ABL1: variants seen among roughly 807,000 people sequenced by gnomAD.
ABL1 encodes ABL proto-oncogene 1, non-receptor tyrosine kinase, also known as tyrosine-protein kinase ABL1.
A neutral mutation model predicts 94.7 loss-of-function variants in ABL1; 11 were observed. That is an observed-to-expected ratio of 0.12 (90% CI 0.07 to 0.19). The LOEUF is 0.19. Ranked by LOEUF, ABL1 falls within the 10% of genes least tolerant of loss-of-function variation. The pLI, the probability that ABL1 is intolerant of heterozygous loss-of-function variation, is 1.00. For missense variants in ABL1, 1,082 were observed against 1,489.4 expected (o/e 0.73, Z 4.50); for synonymous variants, 656 against 622.4 (o/e 1.05, Z -0.80).
chr9:130,870,386 G>A (rs188765084), intron 4 of ABL1, among the ~76,000 whole-genome samples: 41 of 152,280 alleles, frequency 2.7e-4, no homozygotes, highest in Non-Finnish European at 4.7e-4. Flanking sequence ...TGATTTCATT[G>A]TATGTGGTTT....
chr9:130,842,155 G>A (rs1168054612), intron 1 of ABL1, among the ~76,000 whole-genome samples: 1 of 152,148 alleles, frequency 6.6e-6, no homozygotes, highest in African/African-American at 2.4e-5. Flanking sequence ...CAAGAGAAGC[G>A]CAGGAGACAG....
Position 130,769,821 on chromosome 9 carries a change from T to C in ABL1, c.136+55366T>C, listed in dbSNP as rs185217644. 2.9e-3 allele frequency among the ~76,000 whole-genome samples: 437 copies of C among 152,280 alleles called. 4 individuals are homozygous for C. The highest frequency in any genetic ancestry group is 0.01 in the African/African-American group (424 of 41,546). On this transcript the variant is annotated intron_variant, in intron 1 of 10. Coordinates refer to the ABL1 transcript ENST00000372348. Reference sequence around the variant, plus strand: ...AGTTCTATCACCCCCTAGAATTCCCTTGTGCGGCCCTTTTGTAGTCATCCT... The same window carrying C: ...AGTTCTATCACCCCCTAGAATTCCCCTGTGCGGCCCTTTTGTAGTCATCCT...
At chr9:130,867,958 G>GC (rs1478987741) in intron 4 of ABL1, among the ~76,000 whole-genome samples, 64 of 140,990 alleles carry the variant, frequency 4.5e-4, no homozygotes, top group Non-Finnish European at 6.8e-4. Context: ...TTTGCTTTTT[G>GC]TTTTTGTTTT....
chr9:130,727,505 G>A (rs185221843), intron 1 of ABL1, among the ~76,000 whole-genome samples: 9 of 152,154 alleles, frequency 5.9e-5, no homozygotes, highest in African/African-American at 2.2e-4. Flanking sequence ...GCACACGCCT[G>A]TAATCCCAGC....
intron 4 of ABL1, among the ~76,000 whole-genome samples, chr9:130,867,841 C>G (rs1831181959): frequency 6.6e-6 from 1 of 152,052 alleles, no homozygotes; most frequent in Non-Finnish European, 1.5e-5. Flanking sequence ...GGGGGCTCCT[C>G]TACGAGGTGG....
intron 1 of ABL1, among the ~76,000 whole-genome samples, chr9:130,781,646 G>GA (rs1486164614): frequency 2.6e-5 from 4 of 152,096 alleles, no homozygotes; most frequent in Non-Finnish European, 4.4e-5. Flanking sequence ...ATTCCTATTT[G>GA]AAAATATGTC....
intron 1 of ABL1, among the ~76,000 whole-genome samples, chr9:130,715,499 A>AT (rs1454438349): frequency 1.3e-5 from 2 of 152,222 alleles, no homozygotes; most frequent in Admixed American, 1.3e-4. Flanking sequence ...ACGGGAAAAT[A>AT]TTCACTTCAT....
At chr9:130,767,152 C>T (rs1333108737) in intron 1 of ABL1, among the ~76,000 whole-genome samples, 4 of 152,230 alleles carry the variant, frequency 2.6e-5, no homozygotes, top group Non-Finnish European at 5.9e-5. Context: ...TGGCCCAGGC[C>T]ACAGTACCCA....
chr9:130,752,856 G>T (rs1831983257), intron 1 of ABL1, among the ~76,000 whole-genome samples: 1 of 152,176 alleles, frequency 6.6e-6, no homozygotes, highest in Non-Finnish European at 1.5e-5. Flanking sequence ...CTACTAGGGA[G>T]GCTGAGACTG....
At chr9:130,735,959 ATAT>A (rs1354978346) in intron 1 of ABL1, among the ~76,000 whole-genome samples, 16 of 81,726 alleles carry the variant, frequency 2.0e-4, no homozygotes, top group African/African-American at 1.4e-3. Flanking sequence ...ATATATATAT[ATAT>A]TTTTTTTTTT....
In ABL1 at chr9:130,862,625, AAC is replaced by A. The variant is rs36002674; in HGVS notation, c.550-135_550-134del. ...GAAAGACAGCAGAAGTGATCTTCTA[AAC>A]ACTCTGTCCTGTGTGGAGAGCTCCT... On this transcript the variant is annotated intron_variant, in intron 3 of 10. Coordinates refer to ENST00000318560, the MANE Select transcript of ABL1 (RefSeq NM_005157.6). The surrounding 1 kb of genome is among the most constrained non-coding windows in gnomAD (Gnocchi z 5.5). 7,160 of 941,986 alleles carry A rather than the reference AAC, an allele frequency of 7.6e-3. 330 individuals carry two copies. In the African/African-American group the frequency reaches 0.1, roughly 14 times the overall value. The allele number at this position is 941,986 out of a possible 1,614,324, so 58.4% of individuals were successfully genotyped here. A position where few individuals can be genotyped will look rare whatever the true frequency, so the allele number is the denominator to read the frequency against.
At chr9:130,846,929 G>A (rs1395845847) in intron 1 of ABL1, among the ~76,000 whole-genome samples, 1 of 152,182 alleles carries the variant, frequency 6.6e-6, no homozygotes, top group Non-Finnish European at 1.5e-5. Context: ...CATTTTCTTA[G>A]AATACTGTCT....
In ABL1 at chr9:130,739,349, A is replaced by G. The variant is rs537133381; in HGVS notation, c.136+24894A>G. On this transcript the variant is annotated intron_variant, in intron 1 of 10. Transcript: ENST00000372348. ...TCACAATCATTGTCAATCTAAATGC[A>G]TAGTCCTTCCTGATTTTTTTTTTTT... Among the ~76,000 whole-genome samples the G allele has an allele frequency of 9.5e-4, 144 of 151,324 alleles. 1 individual carries two copies. Among genetic ancestry groups the G allele is most frequent in the African/African-American group, 3.2e-3 (134 of 41,254 alleles).
rs535427930 is a variant in ABL1, at chr9:130,887,622, A to G, written c.*1939A>G. On this transcript the variant is annotated 3_prime_UTR_variant, in exon 11 of 11. Coordinates refer to ENST00000318560, the MANE Select transcript of ABL1 (RefSeq NM_005157.6). ...TATGATTCTCTGTGGTTTTTTTTGA[A>G]TCCAAATCTGTCCTCTGTAGTATTT... The G allele has an allele frequency of 2.5e-4, 57 of 229,634 alleles. No individual in the cohort carries two copies. The highest frequency in any genetic ancestry group is 1.2e-3 in the African/African-American group (52 of 44,860). 14.2% of individuals were successfully genotyped at this position (229,634 alleles called of 1,614,324 possible).
intron 8 of ABL1, among the ~76,000 whole-genome samples, chr9:130,878,981 G>A (rs983023091): frequency 2.6e-5 from 4 of 151,304 alleles, no homozygotes; most frequent in East Asian, 3.9e-4. Flanking sequence ...TGGTTCAAGC[G>A]ATTCTCCTGC....
chr9:130,880,801 G>A lies in ABL1; in HGVS notation c.1678+137G>A. On this transcript the variant is annotated intron_variant, in intron 10 of 10. Transcript: ENST00000318560. This position sits in a 1 kb window ranked among gnomAD's most constrained non-coding sequence, Gnocchi z 4.4. Reference sequence around the variant, plus strand: ...AGCCATGGCCTTTGTCAATGGTTCAGCTTCGGAAGGAGGAAGGTTCTCCTC... The same window carrying A: ...AGCCATGGCCTTTGTCAATGGTTCAACTTCGGAAGGAGGAAGGTTCTCCTC... 1 of 1,114,728 alleles carries A rather than the reference G, an allele frequency of 9.0e-7. No individual in the cohort carries two copies. The highest frequency in any genetic ancestry group is 1.2e-6 in the Non-Finnish European group (1 of 804,058). 69.1% of individuals were successfully genotyped at this position (1,114,728 alleles called of 1,614,324 possible).
chr9:130,720,633 T>C (rs1287646982), intron 1 of ABL1, among the ~76,000 whole-genome samples: 1 of 152,140 alleles, frequency 6.6e-6, no homozygotes, highest in Non-Finnish European at 1.5e-5. Flanking sequence ...CTTGGAGAAT[T>C]TTCCGAGGGG....
intron 1 of ABL1, among the ~76,000 whole-genome samples, chr9:130,808,257 T>TG (rs1309512133): frequency 1.3e-5 from 2 of 150,110 alleles, no homozygotes; most frequent in African/African-American, 4.9e-5. Flanking sequence ...CTTTTTTTTT[T>TG]TTTTGAAATG....
chr9:130,830,468 G>T (rs962312726), upstream of ABL1, among the ~76,000 whole-genome samples: 1 of 152,176 alleles, frequency 6.6e-6, no homozygotes, highest in African/African-American at 2.4e-5. Context: ...GAAAGGTGGG[G>T]CTCTCTGTTA....
Sources: gnomAD v4.1 joint callset for allele counts (sites outside exome capture counted in the v4.1 genomes callset) on GRCh38, gnomAD v4.1.1 for gene constraint, Gnocchi (gnomAD v3.1) non-coding constraint, MANE v1.5 for transcripts, NCBI Gene and HGNC (gene_info 2026-07-23, HGNC 2026-07-21) for gene names.